TNFSF8: variants seen among roughly 807,000 people sequenced by gnomAD.
TNFSF8 encodes TNF superfamily member 8, also known as tumor necrosis factor ligand superfamily member 8.
Under a neutral mutation model 22.0 loss-of-function variants are expected in TNFSF8, and 4 were observed. That is an observed-to-expected ratio of 0.18 (90% CI 0.09 to 0.42). TNFSF8 has a LOEUF of 0.42. TNFSF8 is among the 10% of genes least tolerant of loss of function. The pLI is 1.00. For synonymous variants in TNFSF8, 106 were observed against 112.5 expected, an observed-to-expected ratio of 0.94 and a Z score of 0.37; for missense variants, 233 against 281.8, an observed-to-expected ratio of 0.83 and a Z score of 1.24.
At chr9:114,928,487 G>T (rs1004740979) in intron 1 of TNFSF8, among the ~76,000 whole-genome samples, 1 of 152,128 alleles carries the variant, frequency 6.6e-6, no homozygotes, top group African/African-American at 2.4e-5. Flanking sequence ...GTTCTCTCTA[G>T]CTTTATATAT....
At chr9:114,899,533 T>C (rs1009353114), downstream of TNFSF8, among the ~76,000 whole-genome samples, 1 of 152,138 alleles carries the variant, frequency 6.6e-6, no homozygotes, top group African/African-American at 2.4e-5. Context: ...GGAGAAATCT[T>C]CTGGAGCTGT....
chr9:114,913,170 G>A (rs551676647), intron 2 of TNFSF8, among the ~76,000 whole-genome samples: 3 of 152,258 alleles, frequency 2.0e-5, no homozygotes, highest in Admixed American at 2.0e-4. Context: ...CCCCAACTTT[G>A]GCTACAGACT....
chr9:114,903,886 G>C lies in TNFSF8; in HGVS notation c.*45C>G. 1 of 1,560,680 alleles carries C rather than the reference G, an allele frequency of 6.4e-7. No homozygotes were observed. The highest frequency in any genetic ancestry group is 8.6e-7 in the Non-Finnish European group (1 of 1,157,112). On this transcript the variant is annotated 3_prime_UTR_variant, in exon 4 of 4. Coordinates refer to ENST00000223795, the MANE Select transcript of TNFSF8 (RefSeq NM_001244.4). ...CAAGTGTTTGGAGGGATGAAATACT[G>C]TATGGTAGAGAGGCGCTTTCTTCCT...
downstream of TNFSF8, among the ~76,000 whole-genome samples, chr9:114,896,457 A>G (rs920420613): frequency 6.0e-4 from 91 of 152,196 alleles, no homozygotes; most frequent in Non-Finnish European, 1.1e-3. Flanking sequence ...TTTGATTTAA[A>G]CTTTCTAGTG....
intron 2 of TNFSF8, among the ~76,000 whole-genome samples, chr9:114,908,915 C>T (rs1331004435): frequency 7.2e-5 from 11 of 152,064 alleles, no homozygotes; most frequent in East Asian, 1.9e-4. Flanking sequence ...ATGAGGCTGT[C>T]GGCACACCGT....
chr9:114,930,025 A>G, intron 1 of TNFSF8, 84 bp downstream of exon 1: 1 of 1,143,988 alleles, frequency 8.7e-7, no homozygotes, highest in Non-Finnish European at 1.2e-6. Flanking sequence ...CTCTTAACCA[A>G]CAAACGAATA....
chr9:114,910,310 G>T (rs959780751), intron 2 of TNFSF8, among the ~76,000 whole-genome samples: 5 of 152,178 alleles, frequency 3.3e-5, no homozygotes, highest in African/African-American at 9.7e-5. Flanking sequence ...CTTAAGACTA[G>T]CTCTCACCTT....
intron 2 of TNFSF8, among the ~76,000 whole-genome samples, chr9:114,912,904 C>T (rs1827870021): frequency 6.6e-6 from 1 of 152,200 alleles, no homozygotes; most frequent in South Asian, 2.1e-4. Flanking sequence ...AGGAGGGTAG[C>T]TGCCACGCCT....
At chr9:114,920,287 C>T (rs1197244386) in intron 1 of TNFSF8, among the ~76,000 whole-genome samples, 1 of 152,074 alleles carries the variant, frequency 6.6e-6, no homozygotes, top group African/African-American at 2.4e-5. Context: ...ATCAAGCTGC[C>T]CAGGGACATA....
intron 1 of TNFSF8, among the ~76,000 whole-genome samples, chr9:114,924,215 T>G (rs1828028993): frequency 6.6e-6 from 1 of 152,318 alleles, no homozygotes; most frequent in East Asian, 1.9e-4. Context: ...TCAGGAGATC[T>G]GGGGTGAGCC....
At chr9:114,925,417 T>C (rs184998326) in intron 1 of TNFSF8, among the ~76,000 whole-genome samples, 243 of 152,238 alleles carry the variant, frequency 1.6e-3, no homozygotes, top group Middle Eastern at 3.4e-3. Context: ...GGCTCAGATG[T>C]TCCTCACAGA....
rs910653745 is a variant in TNFSF8 at position 114,902,600 on chromosome 9, C to T, written c.*1331G>A. The T allele has an allele frequency of 7.1e-6, 7 of 985,248 alleles. No homozygotes were observed. Among genetic ancestry groups the T allele is most frequent in the Non-Finnish European group, 3.6e-6 (3 of 829,928 alleles). 61.0% of individuals were successfully genotyped at this position (985,248 alleles called of 1,614,324 possible). A position where few individuals can be genotyped will look rare whatever the true frequency, so the allele number is the denominator to read the frequency against. ...CTGTTCACACCATTCAGCAGGGCAC[C>T]CTGAACCTTGTCCCCATATTCTGGC... is the stretch of plus-strand genomic sequence containing the variant. On this transcript the variant is annotated 3_prime_UTR_variant, in exon 4 of 4. Transcript: ENST00000223795.
chr9:114,894,414 A>G (rs1393906563), intron 4 of TNFSF8, among the ~76,000 whole-genome samples: 1 of 152,190 alleles, frequency 6.6e-6, no homozygotes, highest in Non-Finnish European at 1.5e-5. Context: ...CAAATTAACA[A>G]GATGTGAATG....
At position 114,930,223 on chromosome 9, in the gene TNFSF8, C is replaced by A. The variant is rs1461892466; in HGVS notation, c.81G>T (p.Val27=). The A allele has an allele frequency of 6.2e-7, 1 of 1,607,332 alleles. No homozygotes were observed. The highest frequency in any genetic ancestry group is 1.7e-5 in the Admixed American group (1 of 59,182). ...DTAMHVPAGS[V]ASHLGTTSRS... ...GGCTCGTGGTCCCCAGGTGGCTGGC[C>A]ACGGAGCCCGCCGGCACATGCATGG... Residue 27 remains valine, a synonymous_variant, in exon 1 of 4, where the codon GTG becomes GTT. Transcript: ENST00000223795.
rs1587930495 is a variant in TNFSF8, at chr9:114,902,219, C to T, written c.*1712G>A. ...CCAATCAGGAGAGAGGTTGCTGTTT[C>T]TCAGAAGTCCTCCTCCCCACTTCCA... On this transcript the variant is annotated 3_prime_UTR_variant, in exon 4 of 4. Coordinates refer to ENST00000223795, the MANE Select transcript of TNFSF8 (RefSeq NM_001244.4). The T allele has an allele frequency of 4.1e-6, 4 of 985,412 alleles. No homozygotes were observed. Among genetic ancestry groups the T allele is most frequent in the Non-Finnish European group, 4.8e-6 (4 of 829,928 alleles). The allele number at this position is 985,412 out of a possible 1,614,324, so 61.0% of individuals were successfully genotyped here.
At chr9:114,897,440 T>C (rs1252620739), downstream of TNFSF8, among the ~76,000 whole-genome samples, 1 of 152,118 alleles carries the variant, frequency 6.6e-6, no homozygotes, top group African/African-American at 2.4e-5. Flanking sequence ...ATTGGTAGGG[T>C]TCCTGCCTTC....
downstream of TNFSF8, among the ~76,000 whole-genome samples, chr9:114,898,640 G>A (rs1827681948): frequency 6.6e-6 from 1 of 152,124 alleles, no homozygotes. Flanking sequence ...AGTATGGTGG[G>A]GTTGGTTTGT....
downstream of TNFSF8, among the ~76,000 whole-genome samples, chr9:114,899,342 A>AT (rs137946179): frequency 0.21 from 30,276 of 142,360 alleles, 3,625 homozygotes; most frequent in South Asian, 0.25. Context: ...ACAGTAAGTT[A>AT]TTATTTTTTT....
Position 114,930,164 on chromosome 9 carries a change from G to A in TNFSF8, c.140C>T (p.Ala47Val), listed in dbSNP as rs746569681. The A allele has an allele frequency of 3.1e-6, 5 of 1,602,286 alleles. No individual in the cohort carries two copies. The highest frequency in any genetic ancestry group is 4.3e-6 in the Non-Finnish European group (5 of 1,174,402). Residue 47 changes from alanine to valine, a missense_variant, in exon 1 of 4, where the codon GCT (alanine) becomes GTT (valine). By Grantham distance (64) the Ala-to-Val change is moderately conservative. Transcript: ENST00000223795. ...GGCCACCGTGAAGACAAGGCACAGA[G>A]CCAGAGTGGCTGTGGTCAAATAGAA... ...SYFYLTTATL[A>V]LCLVFTVATI...
Sources: gnomAD v4.1 joint callset for allele counts (sites outside exome capture counted in the v4.1 genomes callset) on GRCh38, gnomAD v4.1.1 for gene constraint, MANE v1.5 for transcripts, NCBI Gene and HGNC (gene_info 2026-07-23, HGNC 2026-07-21) for gene names.